Variants in PDE8A observed in about 807,000 individuals in gnomAD.
PDE8A encodes high affinity cAMP-specific and IBMX-insensitive 3',5'-cyclic phosphodiesterase 8A.
Under a neutral mutation model 105.0 loss-of-function variants are expected in PDE8A, and 59 were observed. The ratio of observed to expected loss-of-function variants is 0.56; its 90% CI spans 0.46 to 0.70. PDE8A has a LOEUF of 0.70. PDE8A is among the 30% of genes least tolerant of loss of function. PDE8A has a pLI of 0.00. For synonymous variants in PDE8A, 355 were observed against 371.9 expected (o/e 0.95, Z 0.52); for missense variants, 1,014 against 1,045.9 (o/e 0.97, Z 0.42).
intron 18 of PDE8A, among the ~76,000 whole-genome samples, chr15:85,121,334 T>C (rs2082178669): frequency 6.9e-6 from 1 of 144,380 alleles, no homozygotes; most frequent in African/African-American, 2.7e-5. Context: ...GGAGGATTGC[T>C]TGAGCCCAGG....
chr15:85,065,731 G>A (rs543809546), intron 2 of PDE8A, among the ~76,000 whole-genome samples: 2 of 152,328 alleles, frequency 1.3e-5, no homozygotes, highest in South Asian at 4.1e-4. Context: ...CCTTACCACT[G>A]TTGCCCCATT....
chr15:85,128,114 A>T (rs907437057), intron 20 of PDE8A, among the ~76,000 whole-genome samples: 2 of 151,906 alleles, frequency 1.3e-5, no homozygotes, highest in Non-Finnish European at 2.9e-5. Flanking sequence ...AAATTCATAG[A>T]CCTACATACA....
In PDE8A at chr15:85,097,935, A is replaced by G. The variant is rs776369105; in HGVS notation, c.853-13A>G. 29 of 1,407,902 alleles carry G rather than the reference A, an allele frequency of 2.1e-5. No homozygotes were observed. Among genetic ancestry groups the G allele is most frequent in the Non-Finnish European group, 2.5e-5 (25 of 993,384 alleles). 87.2% of individuals were successfully genotyped at this position (1,407,902 alleles called of 1,614,324 possible). A position where few individuals can be genotyped will look rare whatever the true frequency, so the allele number is the denominator to read the frequency against. ...CAACACAAAGTATGACGATGCTTAC[A>G]TTCCATTTATAGGAGTGGCAAGGAA... On this transcript the variant is annotated splice_polypyrimidine_tract_variant and intron_variant, in intron 8 of 21. Coordinates refer to ENST00000394553, the MANE Select transcript of PDE8A (RefSeq NM_002605.3).
At chr15:85,134,543 ACTC>A (rs200198338) in intron 20 of PDE8A, among the ~76,000 whole-genome samples, 1 of 42,986 alleles carries the variant, frequency 2.3e-5, no homozygotes, top group Non-Finnish European at 3.7e-5. Context: ...AGCGTTCCCC[ACTC>A]CTCTTACCAA....
intron 11 of PDE8A, among the ~76,000 whole-genome samples, chr15:85,107,717 T>C (rs1161314363): frequency 6.6e-6 from 1 of 152,170 alleles, no homozygotes; most frequent in Non-Finnish European, 1.5e-5. Flanking sequence ...TGAATTCATT[T>C]GCAGTGCCTG....
At chr15:85,063,278 G>A (rs1327830700) in intron 1 of PDE8A, 1 of 152,228 alleles carries the variant, frequency 6.6e-6, no homozygotes, top group African/African-American at 2.4e-5. Flanking sequence ...GGGAGAGATT[G>A]GAGGAGGGCA....
In PDE8A at chr15:85,120,907, G is replaced by C. The variant is rs757078297; in HGVS notation, c.1845G>C (p.Leu615=). 1 of 1,613,936 alleles carries C rather than the reference G, an allele frequency of 6.2e-7. No homozygotes were observed. Residue 615 remains leucine (L), a synonymous_variant, in exon 18 of 22, where the codon CTG becomes CTC. Transcript: ENST00000394553. ...TCCTGTGTAATGCTGGAAGTGAGCTGGCCATTTTGTACAATGACACTGCTG... is the reference window on the plus strand; with the variant it reads ...TCCTGTGTAATGCTGGAAGTGAGCTCGCCATTTTGTACAATGACACTGCTG... ...NSFLCNAGSE[L]AILYNDTAVL...
intron 1 of PDE8A, among the ~76,000 whole-genome samples, chr15:85,043,390 T>C (rs894833239): frequency 1.3e-5 from 2 of 152,030 alleles, no homozygotes; most frequent in Non-Finnish European, 2.9e-5. Flanking sequence ...AGGGAAGAGG[T>C]AGATTCTAGT....
In PDE8A at chr15:85,104,639, T is replaced by C. The variant is rs1339389342; in HGVS notation, c.1037-4414T>C. On this transcript the variant is annotated intron_variant, in intron 11 of 21. Transcript: ENST00000394553. ...AAGACTTCAGAATGACACCAAGATA[T>C]CTAGCTTGGCCACTGGATAACATTA... Among the ~76,000 whole-genome samples the C allele has an allele frequency of 1.8e-4, 28 of 152,124 alleles. 1 individual carries two copies. The highest frequency in any genetic ancestry group is 1.6e-3 in the Admixed American group (24 of 15,284).
intron 1 of PDE8A, among the ~76,000 whole-genome samples, chr15:84,995,341 G>T (rs2079959140): frequency 6.7e-6 from 1 of 149,502 alleles, no homozygotes; most frequent in East Asian, 1.9e-4. Context: ...CTGAGGCAGG[G>T]TCTCCCTCTG....
chr15:85,043,492 G>T (rs774438065), intron 1 of PDE8A, among the ~76,000 whole-genome samples: 2 of 152,114 alleles, frequency 1.3e-5, no homozygotes, highest in South Asian at 4.1e-4. Context: ...CTCGGATTGG[G>T]TTATCTCTCC....
intron 17 of PDE8A, 84 bp downstream of exon 17, chr15:85,117,923 C>T: frequency 1.9e-6 from 2 of 1,079,084 alleles, no homozygotes; most frequent in Non-Finnish European, 2.9e-6. Context: ...AGATACATAG[C>T]ATGACTGCTC....
At chr15:85,135,237 A>C (rs1937110865) in intron 20 of PDE8A, among the ~76,000 whole-genome samples, 1 of 152,088 alleles carries the variant, frequency 6.6e-6, no homozygotes, top group Admixed American at 6.5e-5. Flanking sequence ...TGTAGAAGAC[A>C]CGTCTTGTGA....
At chr15:85,109,155 A>C (rs746323955) in intron 12 of PDE8A, 25 bp downstream of exon 12, 1 of 1,501,736 alleles carries the variant, frequency 6.7e-7, no homozygotes, top group Non-Finnish European at 9.3e-7. Flanking sequence ...CAAGAGAAAA[A>C]AATGTGATCA....
At chr15:85,092,322 G>A (rs1000182376) in intron 8 of PDE8A, among the ~76,000 whole-genome samples, 1 of 137,234 alleles carries the variant, frequency 7.3e-6, no homozygotes, top group Non-Finnish European at 1.5e-5. Flanking sequence ...GATTTTTTTT[G>A]TTGTTGTTTT....
Position 85,089,334 on chromosome 15 carries a change from A to T in PDE8A, c.636-4A>T, listed in dbSNP as rs567783245. On this transcript the variant is annotated splice_polypyrimidine_tract_variant and splice_region_variant and intron_variant, in intron 6 of 21. Transcript: ENST00000394553. ...ATCATTCCTTTTTTTGTTTACTCATAAAGGGCTTGTAACTCAGTATTCACT... is the reference window on the plus strand; with the variant it reads ...ATCATTCCTTTTTTTGTTTACTCATTAAGGGCTTGTAACTCAGTATTCACT... 5 of 1,511,754 alleles carry T rather than the reference A, an allele frequency of 3.3e-6. No individual in the cohort carries two copies. In the East Asian group the frequency reaches 6.8e-5, roughly 21 times the overall value. 93.6% of individuals were successfully genotyped at this position (1,511,754 alleles called of 1,614,324 possible).
upstream of PDE8A, among the ~76,000 whole-genome samples, chr15:84,981,711 G>A (rs2079710373): frequency 1.3e-5 from 2 of 151,448 alleles, no homozygotes; most frequent in African/African-American, 2.4e-5. Flanking sequence ...GGCGGCGGCG[G>A]GAGCGGGGCC....
intron 1 of PDE8A, among the ~76,000 whole-genome samples, chr15:85,059,136 A>G (rs2081106792): frequency 6.6e-6 from 1 of 151,964 alleles, no homozygotes; most frequent in African/African-American, 2.4e-5. Flanking sequence ...TTCTTCTTTG[A>G]TCTGTTAGTT....
At chr15:85,100,251 A>G in intron 11 of PDE8A, 53 bp downstream of exon 11, 4 of 1,485,406 alleles carry the variant, frequency 2.7e-6, no homozygotes, top group Non-Finnish European at 3.7e-6. Flanking sequence ...GGAGAAAAAA[A>G]ATAAAAACAG....
Sources: allele counts gnomAD v4.1 joint callset (sites outside exome capture counted in the v4.1 genomes callset), GRCh38; gene constraint gnomAD v4.1.1; transcripts MANE v1.5; gene names NCBI Gene and HGNC (gene_info 2026-07-23, HGNC 2026-07-21).